Variants in CSNK1A1 observed in about 807,000 individuals in gnomAD.
CSNK1A1 encodes casein kinase I isoform alpha.
Under a neutral mutation model 46.1 loss-of-function variants are expected in CSNK1A1, and 7 were observed. The ratio of observed to expected loss-of-function variants is 0.15; its 90% confidence interval spans 0.09 to 0.29. The LOEUF (loss-of-function observed/expected upper bound fraction) is 0.29, where lower values mean the gene tolerates loss of function less well. Among genes scored for constraint, CSNK1A1 ranks in the 10% least tolerant of loss-of-function variants. CSNK1A1 has a pLI of 1.00. For missense variants in CSNK1A1, 96 were observed against 417.1 expected, an observed-to-expected ratio of 0.23 and a Z score of 6.71; for synonymous variants, 137 against 141.5, an observed-to-expected ratio of 0.97 and a Z score of 0.23.
chr5:149,545,751 G>A, intron 2 of CSNK1A1: 3 of 632,016 alleles, frequency 4.7e-6, no homozygotes, highest in Non-Finnish European at 8.7e-6. Flanking sequence ...CCATTTCTGT[G>A]CCATTTTCAG....
chr5:149,543,071 G>T (rs72823569), intron 2 of CSNK1A1, among the ~76,000 whole-genome samples: 257 of 152,178 alleles, frequency 1.7e-3, no homozygotes, highest in Middle Eastern at 3.4e-3. Flanking sequence ...ACCCTGAATC[G>T]TAAGCATCTA....
intron 2 of CSNK1A1, chr5:149,545,916 C>T (rs116715116): frequency 0.027 from 6,536 of 242,776 alleles, 175 homozygotes; most frequent in East Asian, 0.093. Context: ...TGATACGGAG[C>T]CTCATTCTGT....
At chr5:149,499,617 A>G (rs1760759788) in intron 9 of CSNK1A1, among the ~76,000 whole-genome samples, 1 of 150,772 alleles carries the variant, frequency 6.6e-6, no homozygotes, top group Admixed American at 6.6e-5. Flanking sequence ...AACAAAAGAT[A>G]TGCTTTTTTT....
chr5:149,509,856 T>A (rs1356258299), intron 7 of CSNK1A1, 23 bp downstream of exon 7: 1 of 1,570,352 alleles, frequency 6.4e-7, no homozygotes, highest in Non-Finnish European at 8.7e-7. Context: ...TATATTTTTT[T>A]AATATTCATC....
intron 2 of CSNK1A1, chr5:149,545,345 A>G: frequency 5.2e-6 from 2 of 383,794 alleles, no homozygotes; most frequent in Non-Finnish European, 4.8e-6. Context: ...GGGGGGTTGC[A>G]TCAGTCCTTC....
chr5:149,519,583 C>A (rs1761505618), intron 4 of CSNK1A1, among the ~76,000 whole-genome samples: 1 of 152,174 alleles, frequency 6.6e-6, no homozygotes, highest in Non-Finnish European at 1.5e-5. Flanking sequence ...GCGCCACTAG[C>A]TAAAACCCAA....
intron 2 of CSNK1A1, among the ~76,000 whole-genome samples, chr5:149,547,311 C>G (rs1356168367): frequency 6.6e-6 from 1 of 152,232 alleles, no homozygotes; most frequent in Non-Finnish European, 1.5e-5. Context: ...TATAATTCTG[C>G]TCAGAAGTTA....
chr5:149,516,172 T>G (rs1009470723), intron 4 of CSNK1A1, among the ~76,000 whole-genome samples: 1 of 151,950 alleles, frequency 6.6e-6, no homozygotes, highest in South Asian at 2.1e-4. Context: ...ATACAAAAAT[T>G]AGCCGGGCAT....
chr5:149,526,660 C>T (rs1761733324), intron 2 of CSNK1A1, among the ~76,000 whole-genome samples: 1 of 152,094 alleles, frequency 6.6e-6, no homozygotes, highest in Admixed American at 6.5e-5. Context: ...TACAGATGTG[C>T]TACTCTTGTG....
chr5:149,506,967 G>C (rs1327897105), intron 8 of CSNK1A1, 60 bp downstream of exon 8: 4 of 1,272,260 alleles, frequency 3.1e-6, no homozygotes, highest in East Asian at 4.8e-5. Flanking sequence ...GAATTTGTTA[G>C]GTAAATTTAA....
intron 2 of CSNK1A1, among the ~76,000 whole-genome samples, chr5:149,542,574 C>A (rs1226013585): frequency 3.8e-5 from 4 of 105,582 alleles, no homozygotes; most frequent in Non-Finnish European, 7.4e-5. Flanking sequence ...AGCATTTACT[C>A]CGAAATGAGA....
At chr5:149,502,960 G>C (rs1760918908) in intron 9 of CSNK1A1, 1 of 700,870 alleles carries the variant, frequency 1.4e-6, no homozygotes, top group Admixed American at 6.3e-5. Flanking sequence ...GTAGAGATGG[G>C]TTTCCACCAT....
At chr5:149,500,281 G>A (rs897156397) in intron 9 of CSNK1A1, among the ~76,000 whole-genome samples, 2 of 151,842 alleles carry the variant, frequency 1.3e-5, no homozygotes, top group East Asian at 1.9e-4. Flanking sequence ...GGGACTATAG[G>A]CGCCCGCCAC....
intron 9 of CSNK1A1, chr5:149,501,219 T>A: frequency 1.0e-6 from 1 of 985,402 alleles, no homozygotes; most frequent in South Asian, 4.7e-5. Flanking sequence ...TTCATCCGCA[T>A]TTCCTGTTGG....
At chr5:149,522,962 C>T (rs758887941) in intron 3 of CSNK1A1, among the ~76,000 whole-genome samples, 9 of 151,866 alleles carry the variant, frequency 5.9e-5, no homozygotes, top group African/African-American at 9.7e-5. Flanking sequence ...TGGATGCTTA[C>T]GTGTTACTGA....
At position 149,550,806 on chromosome 5, in the gene CSNK1A1, C is replaced by G; in HGVS notation, c.123+36G>C. The G allele has an allele frequency of 6.2e-7, 1 of 1,613,278 alleles. No homozygotes were observed. Among genetic ancestry groups the G allele is most frequent in the Non-Finnish European group, 8.5e-7 (1 of 1,179,486 alleles). On this transcript the variant is annotated intron_variant, in intron 1 of 9. Transcript: ENST00000377843. This position sits in a 1 kb window ranked among gnomAD's most constrained non-coding sequence, Gnocchi z 4.3. The stretch of plus-strand genomic sequence containing the variant: ...TGGTGGTGGGGGGAATGAGTAAAAG[C>G]GCAGCGTTATCGTGAACCCCACCCC...
chr5:149,530,219 G>T (rs1761850973), intron 2 of CSNK1A1, among the ~76,000 whole-genome samples: 1 of 152,134 alleles, frequency 6.6e-6, no homozygotes, highest in South Asian at 2.1e-4. Flanking sequence ...AACATTTGCT[G>T]AGTAAAATAA....
At chr5:149,531,688 A>G (rs1266115606) in intron 2 of CSNK1A1, among the ~76,000 whole-genome samples, 1 of 96,408 alleles carries the variant, frequency 1.0e-5, no homozygotes, top group African/African-American at 5.0e-5. Flanking sequence ...TCTCTACTAA[A>G]AATACAAAAA....
At chr5:149,515,089 T>C (rs1445236082) in intron 4 of CSNK1A1, among the ~76,000 whole-genome samples, 1 of 152,162 alleles carries the variant, frequency 6.6e-6, no homozygotes, top group Non-Finnish European at 1.5e-5. Flanking sequence ...AGATTCATAG[T>C]GAAAAGAAAA....
Sources: allele counts gnomAD v4.1 joint callset (sites outside exome capture counted in the v4.1 genomes callset), GRCh38; gene constraint gnomAD v4.1.1; non-coding constraint Gnocchi (gnomAD v3.1); transcripts MANE v1.5; gene names NCBI Gene and HGNC (gene_info 2026-07-23, HGNC 2026-07-21).